CNOT6L: variants seen among roughly 807,000 people sequenced by gnomAD.
CNOT6L encodes CCR4-NOT transcription complex subunit 6-like.
CNOT6L carries 7 observed loss-of-function variants against 64.0 expected under a neutral mutation model. That is an observed-to-expected ratio of 0.11 (90% CI 0.06 to 0.21). CNOT6L has a LOEUF of 0.21. Among genes scored for constraint, CNOT6L ranks in the 10% least tolerant of loss-of-function variants. The pLI, the probability that CNOT6L is intolerant of heterozygous loss-of-function variation, is 1.00. For missense variants in CNOT6L, 245 were observed against 669.0 expected, an observed-to-expected ratio of 0.37 and a Z score of 6.99; for synonymous variants, 193 against 243.4, an observed-to-expected ratio of 0.79 and a Z score of 1.93.
At chr4:77,788,746 A>G (rs1389303978) in intron 1 of CNOT6L, among the ~76,000 whole-genome samples, 1 of 151,518 alleles carries the variant, frequency 6.6e-6, no homozygotes, top group African/African-American at 2.4e-5. Flanking sequence ...AATAATAAAT[A>G]ATAATAATAA....
chr4:77,718,876 T>C lies in CNOT6L; in HGVS notation c.*1555A>G, dbSNP rs1216585129. The C allele has an allele frequency of 6.6e-6, 1 of 152,612 alleles. No homozygotes were observed. Among genetic ancestry groups the C allele is most frequent in the Non-Finnish European group, 1.5e-5 (1 of 68,026 alleles). The allele number at this position is 152,612 out of a possible 1,614,324, so 9.5% of individuals were successfully genotyped here. ...CTAATTAAATAATTTAAATTTGACCTATACTTTATATATTAGTGAGACACA... is the reference window on the plus strand; with the variant it reads ...CTAATTAAATAATTTAAATTTGACCCATACTTTATATATTAGTGAGACACA... On this transcript the variant is annotated 3_prime_UTR_variant, in exon 12 of 12. Transcript: ENST00000504123.
At chr4:77,773,023 G>A (rs1727752035) in intron 4 of CNOT6L, 58 bp downstream of exon 4, 3 of 1,107,158 alleles carry the variant, frequency 2.7e-6, no homozygotes, top group Admixed American at 2.6e-5. Context: ...CCTTTTTAAA[G>A]GCCAAAATGC....
intron 1 of CNOT6L, among the ~76,000 whole-genome samples, chr4:77,793,145 C>T (rs1417204170): frequency 1.3e-5 from 2 of 151,838 alleles, no homozygotes; most frequent in Non-Finnish European, 2.9e-5. Context: ...AAATCAAGTA[C>T]CATGCAAAGA....
At chr4:77,814,299 A>G (rs1233162193) in intron 1 of CNOT6L, among the ~76,000 whole-genome samples, 1 of 152,180 alleles carries the variant, frequency 6.6e-6, no homozygotes, top group African/African-American at 2.4e-5. Context: ...AACTATGGTG[A>G]TGGTTGCACA....
intron 1 of CNOT6L, among the ~76,000 whole-genome samples, chr4:77,807,648 C>T (rs1732408828): frequency 6.6e-6 from 1 of 152,168 alleles, no homozygotes; most frequent in Non-Finnish European, 1.5e-5. Flanking sequence ...TCACTCACTA[C>T]AGCTAGGCTA....
At chr4:77,760,895 TA>T (rs1560406577) in intron 4 of CNOT6L, among the ~76,000 whole-genome samples, 6 of 120,932 alleles carry the variant, frequency 5.0e-5, no homozygotes, top group Non-Finnish European at 8.3e-5. Context: ...TTTTTTTTTT[TA>T]AGGAAGAGAC....
chr4:77,778,421 G>T (rs888162254), intron 1 of CNOT6L, among the ~76,000 whole-genome samples: 3 of 149,582 alleles, frequency 2.0e-5, no homozygotes, highest in African/African-American at 7.4e-5. Flanking sequence ...TTTTTGAGAC[G>T]GAGTTTTGCT....
chr4:77,788,770 A>G (rs1222430265), intron 1 of CNOT6L, among the ~76,000 whole-genome samples: 2 of 151,970 alleles, frequency 1.3e-5, no homozygotes, highest in African/African-American at 4.8e-5. Context: ...GCAATTGATG[A>G]AAGAAGTGCA....
chr4:77,783,169 A>AAAC (rs1553895271), intron 1 of CNOT6L, among the ~76,000 whole-genome samples: 1 of 151,202 alleles, frequency 6.6e-6, no homozygotes, highest in Non-Finnish European at 1.5e-5. Flanking sequence ...AAAAAAAAAA[A>AAAC]ACACATGTTT....
At chr4:77,759,582 A>T (rs1347122619) in intron 4 of CNOT6L, among the ~76,000 whole-genome samples, 1 of 151,876 alleles carries the variant, frequency 6.6e-6, no homozygotes, top group African/African-American at 2.4e-5. Context: ...GAAGAAAAAA[A>T]AAAACAACCA....
chr4:77,767,980 C>CAA (rs11455356), intron 4 of CNOT6L, among the ~76,000 whole-genome samples: 1,966 of 85,920 alleles, frequency 0.023, 11 homozygotes, highest in East Asian at 0.043. Flanking sequence ...ACTTTGTCCC[C>CAA]AAAAAAAAAA....
At chr4:77,748,843 G>A (rs1724497630) in intron 5 of CNOT6L, among the ~76,000 whole-genome samples, 1 of 152,056 alleles carries the variant, frequency 6.6e-6, no homozygotes, top group Admixed American at 6.5e-5. Context: ...TTCATTTTCT[G>A]ATTTTACTCT....
intron 9 of CNOT6L, 77 bp from the exon 10 acceptor site, chr4:77,729,158 A>C: frequency 3.9e-5 from 39 of 1,010,008 alleles, no homozygotes; most frequent in Non-Finnish European, 5.1e-5. Flanking sequence ...AGGTTTTCTC[A>C]ATATGATCCA....
At chr4:77,728,682 A>C (rs562076536) in intron 10 of CNOT6L, among the ~76,000 whole-genome samples, 172 bp downstream of exon 10, 1 of 152,262 alleles carries the variant, frequency 6.6e-6, no homozygotes, top group African/African-American at 2.4e-5. Flanking sequence ...ACCAGGCAAC[A>C]CCTTTGGTAA....
At chr4:77,774,493 T>TTTA in intron 3 of CNOT6L, 37 bp downstream of exon 3, 1 of 1,503,406 alleles carries the variant, frequency 6.7e-7, no homozygotes, top group Non-Finnish European at 9.0e-7. Flanking sequence ...AAATTTAGAA[T>TTTA]TTTATATAGT....
At chr4:77,760,952 G>A (rs955766898) in intron 4 of CNOT6L, among the ~76,000 whole-genome samples, 5 of 135,348 alleles carry the variant, frequency 3.7e-5, no homozygotes, top group African/African-American at 5.6e-5. Context: ...TCCTGACCTC[G>A]TCATCTGCCC....
At chr4:77,749,694 A>T (rs1276941217) in intron 5 of CNOT6L, among the ~76,000 whole-genome samples, 3 of 152,246 alleles carry the variant, frequency 2.0e-5, no homozygotes, top group African/African-American at 7.2e-5. Flanking sequence ...CAGCAAAATT[A>T]AAAAAGATGA....
At chr4:77,792,497 G>A (rs1730279475) in intron 1 of CNOT6L, among the ~76,000 whole-genome samples, 2 of 152,080 alleles carry the variant, frequency 1.3e-5, no homozygotes, top group African/African-American at 4.8e-5. Flanking sequence ...AGGCTGAGGT[G>A]GGCAGATGAC....
At position 77,782,810 on chromosome 4, in the gene CNOT6L, T is replaced by C. The variant is rs559013626; in HGVS notation, c.6-6418A>G. ...TTTATTTTTAACTATACACAACTAT[T>C]AATCATTACAACTGTCATACTAAAT... On this transcript the variant is annotated intron_variant, in intron 1 of 11. Coordinates refer to ENST00000504123, the MANE Select transcript of CNOT6L (RefSeq NM_144571.3). Among the ~76,000 whole-genome samples, 9 of 152,254 alleles carry C rather than the reference T, an allele frequency of 5.9e-5. No homozygotes were observed. The South Asian group carries it at 1.9e-3, about 32-fold the overall frequency.
Sources: allele counts gnomAD v4.1 joint callset (sites outside exome capture counted in the v4.1 genomes callset), GRCh38; gene constraint gnomAD v4.1.1; transcripts MANE v1.5; gene names NCBI Gene and HGNC (gene_info 2026-07-23, HGNC 2026-07-21).